Variants in NKAIN2 observed in about 807,000 individuals in gnomAD.
NKAIN2 encodes the protein sodium/potassium-transporting ATPase subunit beta-1-interacting protein 2.
In NKAIN2, 14 loss-of-function variants were observed where a neutral mutation model predicts 32.6. That is an observed-to-expected ratio of 0.43 (90% CI 0.28 to 0.67). NKAIN2 has a LOEUF of 0.67. NKAIN2 is among the 30% of genes least tolerant of loss of function. NKAIN2 has a pLI of 0.17. For missense variants in NKAIN2, 198 were observed against 258.3 expected (o/e 0.77, Z 1.60); for synonymous variants, 80 against 87.2 (o/e 0.92, Z 0.46).
intron 4 of NKAIN2, among the ~76,000 whole-genome samples, chr6:124,761,044 C>T (rs1778240526): frequency 6.6e-6 from 1 of 152,134 alleles, no homozygotes; most frequent in Non-Finnish European, 1.5e-5. Context: ...TCTCTCATGT[C>T]TGCATCATCA....
At chr6:124,681,794 T>TGTG (rs1365654137) in intron 4 of NKAIN2, among the ~76,000 whole-genome samples, 1 of 152,124 alleles carries the variant, frequency 6.6e-6, no homozygotes, top group African/African-American at 2.4e-5. Context: ...AAATCTTCTA[T>TGTG]GTTTCTGATA....
intron 1 of NKAIN2, among the ~76,000 whole-genome samples, chr6:124,152,347 A>G (rs984731301): frequency 1.3e-5 from 2 of 151,974 alleles, no homozygotes; most frequent in Non-Finnish European, 2.9e-5. Context: ...TGATCTAATT[A>G]ATACAGTTTC....
At chr6:124,346,996 T>C (rs1190376564) in intron 2 of NKAIN2, among the ~76,000 whole-genome samples, 37 of 151,496 alleles carry the variant, frequency 2.4e-4, no homozygotes, top group African/African-American at 8.0e-4. Context: ...CCATGTTTAG[T>C]GCTTCCTTCA....
rs142387344 is a variant in NKAIN2 at position 124,777,947 on chromosome 6, T to TCACACACA, written c.475-13371_475-13364dup. On this transcript the variant is annotated intron_variant, in intron 4 of 6. Coordinates refer to ENST00000368417, the MANE Select transcript of NKAIN2 (RefSeq NM_001040214.3). Reference sequence around the variant, plus strand: ...TTTCTTGCTTTATTAGAAATCACATTCACACACACACACACACACACACAC... The same window carrying TCACACACA: ...TTTCTTGCTTTATTAGAAATCACATTCACACACACACACACACACACACACACACACAC... Among the ~76,000 whole-genome samples the TCACACACA allele has an allele frequency of 3.5e-3, 518 of 146,948 alleles. 2 individuals carry two copies. The highest frequency in any genetic ancestry group is 0.012 in the African/African-American group (501 of 40,120).
At chr6:124,415,474 C>T (rs1194676619) in intron 3 of NKAIN2, among the ~76,000 whole-genome samples, 3 of 152,212 alleles carry the variant, frequency 2.0e-5, no homozygotes, top group South Asian at 2.1e-4. Flanking sequence ...AACCCACATG[C>T]GTTCAGCTAT....
intron 3 of NKAIN2, among the ~76,000 whole-genome samples, chr6:124,465,205 C>T (rs1437050488): frequency 6.6e-6 from 1 of 152,022 alleles, no homozygotes; most frequent in East Asian, 1.9e-4. Flanking sequence ...CAGCACTGTT[C>T]TCAATAGCAA....
rs149693175 is a variant in NKAIN2 at position 124,021,417 on chromosome 6, T to G, written c.54+217163T>G. On this transcript the variant is annotated intron_variant, in intron 1 of 6. Transcript: ENST00000368417. ...ATTATTTAATTTCTCCTATCAAGAC[T>G]TAAAGTCTAGTAATAATTATTACCT... 7.7e-3 allele frequency among the ~76,000 whole-genome samples: 1,170 copies of G among 152,106 alleles called. 14 individuals are homozygous for G. The highest frequency in any genetic ancestry group is 0.027 in the African/African-American group (1,120 of 41,530).
rs147409013 is a variant in NKAIN2 at position 124,752,416 on chromosome 6, T to G, written c.475-38923T>G. Among the ~76,000 whole-genome samples, 9 of 152,198 alleles carry G rather than the reference T, an allele frequency of 5.9e-5. No homozygotes were observed. The East Asian group carries it at 1.5e-3, about 26-fold the overall frequency. On this transcript the variant is annotated intron_variant, in intron 4 of 6. Coordinates refer to ENST00000368417, the MANE Select transcript of NKAIN2 (RefSeq NM_001040214.3). ...ACGAGAGTAACATTATTCGCTTCTC[T>G]TCTTCCTAGGGTATCTTATTTTCTT...
chr6:124,542,872 C>A (rs1004574334), intron 3 of NKAIN2, among the ~76,000 whole-genome samples: 1 of 151,900 alleles, frequency 6.6e-6, no homozygotes, highest in Admixed American at 6.6e-5. Context: ...CATAACATTT[C>A]GAACATTAAA....
At chr6:123,958,894 C>A (rs1340757620) in intron 1 of NKAIN2, among the ~76,000 whole-genome samples, 1 of 152,118 alleles carries the variant, frequency 6.6e-6, no homozygotes, top group African/African-American at 2.4e-5. Flanking sequence ...GTTACTGTTA[C>A]AAATGAGAAA....
chr6:124,278,413 T>C, intron 1 of NKAIN2, among the ~76,000 whole-genome samples: 1 of 152,108 alleles, frequency 6.6e-6, no homozygotes, highest in South Asian at 2.1e-4. Context: ...CTGATGAACA[T>C]TTATTGTCAT....
At chr6:124,410,603 G>C (rs1327900767) in intron 3 of NKAIN2, among the ~76,000 whole-genome samples, 5 of 152,210 alleles carry the variant, frequency 3.3e-5, no homozygotes, top group African/African-American at 9.7e-5. Context: ...GCTGAGGAGA[G>C]CTTTACTTCC....
intron 3 of NKAIN2, among the ~76,000 whole-genome samples, chr6:124,408,854 A>G (rs1774002209): frequency 1.3e-5 from 2 of 152,080 alleles, no homozygotes; most frequent in African/African-American, 4.8e-5. Context: ...CCATTTGTTT[A>G]TATCCTCTTC....
At chr6:123,916,191 G>T (rs1436059434) in intron 1 of NKAIN2, among the ~76,000 whole-genome samples, 1 of 152,110 alleles carries the variant, frequency 6.6e-6, no homozygotes, top group Non-Finnish European at 1.5e-5. Context: ...TATCATGAAA[G>T]AATTTTAATG....
At chr6:124,698,096 A>G (rs1452598394) in intron 4 of NKAIN2, among the ~76,000 whole-genome samples, 2 of 152,190 alleles carry the variant, frequency 1.3e-5, no homozygotes, top group Non-Finnish European at 2.9e-5. Context: ...CCCAGGCTCC[A>G]GGTGATTTCT....
At chr6:124,111,578 C>A (rs1785386673) in intron 1 of NKAIN2, among the ~76,000 whole-genome samples, 2 of 151,952 alleles carry the variant, frequency 1.3e-5, no homozygotes, top group South Asian at 4.1e-4. Flanking sequence ...CACTTTCAGC[C>A]AATGTGTGTC....
At chr6:124,242,054 G>A (rs780705027) in intron 1 of NKAIN2, among the ~76,000 whole-genome samples, 1 of 151,972 alleles carries the variant, frequency 6.6e-6, no homozygotes, top group South Asian at 2.1e-4. Context: ...TGACAAATGG[G>A]GTCTAATTAA....
At chr6:124,359,888 A>C (rs1434520551) in intron 3 of NKAIN2, among the ~76,000 whole-genome samples, 1 of 152,164 alleles carries the variant, frequency 6.6e-6, no homozygotes, top group African/African-American at 2.4e-5. Flanking sequence ...TTGCCCATTC[A>C]GTATGATATT....
chr6:124,336,671 T>G (rs527759878), intron 2 of NKAIN2, among the ~76,000 whole-genome samples: 14 of 147,422 alleles, frequency 9.5e-5, no homozygotes, highest in Admixed American at 2.0e-4. Context: ...ATAGTTTGTT[T>G]TTTTTTGTTT....
Sources: gnomAD v4.1 joint callset for allele counts (sites outside exome capture counted in the v4.1 genomes callset) on GRCh38, gnomAD v4.1.1 for gene constraint, MANE v1.5 for transcripts, NCBI Gene and HGNC (gene_info 2026-07-23, HGNC 2026-07-21) for gene names.